The following SLC24A2 variants were observed in gnomAD, a reference collection of about 807,000 sequenced individuals.
SLC24A2 encodes sodium/potassium/calcium exchanger 2.
A neutral mutation model predicts 62.0 loss-of-function variants in SLC24A2; 36 were observed. The observed-to-expected ratio is 0.58, with a 90% CI of 0.44 to 0.77. SLC24A2 has a LOEUF of 0.77. Among genes scored for constraint, SLC24A2 ranks in the 30% least tolerant of loss-of-function variants. The pLI is 0.00. For missense variants in SLC24A2, 846 were observed against 817.9 expected, an observed-to-expected ratio of 1.03 and a Z score of -0.42; for synonymous variants, 358 against 294.0, an observed-to-expected ratio of 1.22 and a Z score of -2.23.
At chr9:19,954,238 T>C in the SLC24A2 span, among the ~76,000 whole-genome samples, 1 of 152,116 alleles carries the variant, frequency 6.6e-6, no homozygotes, top group African/African-American at 2.4e-5. Flanking sequence ...TGAGATATCA[T>C]AGCAGAGTCC....
intron 2 of SLC24A2, among the ~76,000 whole-genome samples, chr9:19,739,508 A>T (rs990236821): frequency 6.6e-6 from 1 of 152,108 alleles, no homozygotes; most frequent in African/African-American, 2.4e-5. Context: ...CCAGAAACAA[A>T]CTCATACTTA....
chr9:20,004,674 T>C, the SLC24A2 span, among the ~76,000 whole-genome samples: 1 of 152,228 alleles, frequency 6.6e-6, no homozygotes, highest in Non-Finnish European at 1.5e-5. Context: ...TTGAGGAAAT[T>C]GATTTGGTTT....
chr9:19,946,527 T>A, the SLC24A2 span, among the ~76,000 whole-genome samples: 1 of 152,160 alleles, frequency 6.6e-6, no homozygotes, highest in Non-Finnish European at 1.5e-5. Context: ...GCTCCACAAT[T>A]TCAAACGACC....
At chr9:20,229,405 C>A in the SLC24A2 span, among the ~76,000 whole-genome samples, 2 of 152,138 alleles carry the variant, frequency 1.3e-5, no homozygotes, top group East Asian at 1.9e-4. Context: ...AAAGAACTTA[C>A]AACAGTGCCT....
Position 19,516,112 on chromosome 9 carries a change from G to T in SLC24A2, c.*41C>A. The T allele has an allele frequency of 6.2e-7, 1 of 1,613,088 alleles. No homozygotes were observed. Among genetic ancestry groups the T allele is most frequent in the South Asian group, 1.1e-5 (1 of 90,772 alleles). On this transcript the variant is annotated 3_prime_UTR_variant, in exon 11 of 11. Transcript: ENST00000341998. ...AGGAGCCCAGAGCCCAGAGTGTGGA[G>T]GGACCATTCATGCTGCTGGTGCAAG...
Position 19,544,341 on chromosome 9 carries a change from G to A in SLC24A2, c.1479+5796C>T, listed in dbSNP as rs148505534. ...TATGTTTGTCTTTGCATGTGAGGTG[G>A]GTCTCCTGAATACAGCCACTGATGG... On this transcript the variant is annotated intron_variant, in intron 8 of 10. Transcript: ENST00000341998. Among the ~76,000 whole-genome samples the A allele has an allele frequency of 3.2e-3, 479 of 150,902 alleles. 4 individuals are homozygous for A. Among genetic ancestry groups the A allele is most frequent in the African/African-American group, 0.011 (443 of 41,022 alleles).
At chr9:19,701,177 G>C (rs1820345491) in intron 2 of SLC24A2, among the ~76,000 whole-genome samples, 1 of 152,188 alleles carries the variant, frequency 6.6e-6, no homozygotes, top group Admixed American at 6.5e-5. Context: ...AACCTGTTAG[G>C]TGCTAGTAGA....
At chr9:19,621,410 A>C (rs996287450) in intron 3 of SLC24A2, among the ~76,000 whole-genome samples, 1 of 152,198 alleles carries the variant, frequency 6.6e-6, no homozygotes, top group Non-Finnish European at 1.5e-5. Flanking sequence ...TGAGCATTAC[A>C]GGAGGAAGGA....
chr9:19,786,462 G>C lies in SLC24A2; in HGVS notation c.405C>G (p.Ile135Met). The C allele has an allele frequency of 8.7e-6, 14 of 1,614,070 alleles. No homozygotes were observed. The highest frequency in any genetic ancestry group is 1.2e-5 in the Non-Finnish European group (14 of 1,180,014). ...FSLEERRKGA[I>M]ILHVIGMIYM... ...AGATCATTCCAATGACATGCAGAAT[G>C]ATCGCACCTTTTCTTCTCTCCTCAA... Residue 135 changes from isoleucine to methionine, a missense_variant, in exon 2 of 11, where the codon ATC becomes ATG. Ile to Met is a conservative substitution (Grantham distance 10). Coordinates refer to ENST00000341998, the MANE Select transcript of SLC24A2 (RefSeq NM_020344.4). The surrounding 1 kb of genome is among the most constrained non-coding windows in gnomAD (Gnocchi z 5.0).
rs1832873482 is a variant in SLC24A2, at chr9:19,515,086, A to C, written c.*1067T>G. The C allele has an allele frequency of 6.6e-6, 1 of 152,138 alleles. No individual in the cohort carries two copies. The highest frequency in any genetic ancestry group is 1.5e-5 in the Non-Finnish European group (1 of 68,030). 9.4% of individuals were successfully genotyped at this position (152,138 alleles called of 1,614,324 possible). ...CAGCCCTTAGCATCAAAATATATCT[A>C]CATGACAATCACAGCTAAACTTACC... On this transcript the variant is annotated 3_prime_UTR_variant, in exon 11 of 11. Coordinates refer to ENST00000341998, the MANE Select transcript of SLC24A2 (RefSeq NM_020344.4).
At chr9:20,153,837 TTC>T in the SLC24A2 span, among the ~76,000 whole-genome samples, 5 of 152,002 alleles carry the variant, frequency 3.3e-5, no homozygotes, top group Non-Finnish European at 7.4e-5. Context: ...TTTTGTTTAT[TTC>T]TGTCTGCAGT....
chr9:19,822,192 T>G, the SLC24A2 span, among the ~76,000 whole-genome samples: 1 of 152,186 alleles, frequency 6.6e-6, no homozygotes, highest in Non-Finnish European at 1.5e-5. Context: ...TGTATTTACA[T>G]GTTATTAATA....
chr9:20,236,125 C>A, the SLC24A2 span, among the ~76,000 whole-genome samples: 1,526 of 152,272 alleles, frequency 0.01, 27 homozygotes, highest in African/African-American at 0.034. Context: ...AATAAAGTAT[C>A]TATCAGCAGC....
chr9:19,795,592 T>G, the SLC24A2 span, among the ~76,000 whole-genome samples: 2 of 152,164 alleles, frequency 1.3e-5, no homozygotes, highest in African/African-American at 4.8e-5. Flanking sequence ...TCCAGGTACT[T>G]AGGACCATCT....
the SLC24A2 span, among the ~76,000 whole-genome samples, chr9:20,209,476 C>G: frequency 6.6e-5 from 10 of 152,288 alleles, no homozygotes; most frequent in Admixed American, 6.5e-4. Flanking sequence ...TAAACAAGCT[C>G]TCTTCCCCGA....
At chr9:19,985,472 C>T in the SLC24A2 span, among the ~76,000 whole-genome samples, 2 of 152,090 alleles carry the variant, frequency 1.3e-5, no homozygotes, top group African/African-American at 4.8e-5. Context: ...ATGAAACAGC[C>T]AGACACAAAC....
At chr9:19,755,701 T>C (rs1822119674) in intron 2 of SLC24A2, among the ~76,000 whole-genome samples, 1 of 152,190 alleles carries the variant, frequency 6.6e-6, no homozygotes, top group African/African-American at 2.4e-5. Flanking sequence ...GCAACACTTC[T>C]TAAGTCCACT....
the SLC24A2 span, among the ~76,000 whole-genome samples, chr9:20,111,409 T>G: frequency 6.6e-6 from 1 of 152,184 alleles, no homozygotes; most frequent in East Asian, 1.9e-4. Context: ...CCAGGTGTTA[T>G]TAGCCTAGAG....
chr9:19,982,196 C>T, the SLC24A2 span, among the ~76,000 whole-genome samples: 2 of 152,040 alleles, frequency 1.3e-5, no homozygotes, highest in Non-Finnish European at 2.9e-5. Flanking sequence ...GTAAAAGAAA[C>T]AGAGTGTACA....
Sources: allele counts gnomAD v4.1 joint callset (sites outside exome capture counted in the v4.1 genomes callset), GRCh38; gene constraint gnomAD v4.1.1; non-coding constraint Gnocchi (gnomAD v3.1); transcripts MANE v1.5; gene names NCBI Gene and HGNC (gene_info 2026-07-23, HGNC 2026-07-21).